The following HEATR5A variants were observed in gnomAD, a reference collection of about 807,000 sequenced individuals.
HEATR5A encodes HEAT repeat-containing protein 5A.
In HEATR5A, 178 loss-of-function variants were observed where a neutral mutation model predicts 218.8. That is an observed-to-expected ratio of 0.81 (90% CI 0.72 to 0.92). HEATR5A has a LOEUF of 0.92. Ranked by LOEUF, HEATR5A falls within the 40% of genes least tolerant of loss-of-function variation. The pLI is 0.00. For missense variants in HEATR5A, 2,420 were observed against 2,418.9 expected, an observed-to-expected ratio of 1.00 and a Z score of -0.01; for synonymous variants, 864 against 871.6, an observed-to-expected ratio of 0.99 and a Z score of 0.15.
chr14:31,393,406 G>A (rs906236982), intron 6 of HEATR5A, among the ~76,000 whole-genome samples: 2 of 152,126 alleles, frequency 1.3e-5, no homozygotes, highest in Non-Finnish European at 2.9e-5. Context: ...GCCTACTCAG[G>A]AGGCTGAGGT....
At chr14:31,398,871 T>C in intron 3 of HEATR5A, 90 bp from the exon 4 acceptor site, 1 of 700,024 alleles carries the variant, frequency 1.4e-6, no homozygotes, top group Non-Finnish European at 2.4e-6. Flanking sequence ...TGTTGAAAAA[T>C]ATCCCCCATT....
At chr14:31,301,808 CTTTTTTTTTTTTTTTTT>C (rs35947008) in intron 33 of HEATR5A, among the ~76,000 whole-genome samples, 2 of 82,500 alleles carry the variant, frequency 2.4e-5, no homozygotes, top group Admixed American at 1.4e-4. Context: ...ACACAGCTTT[CTTTTTTTTTTTTTTTTT>C]TTTTTTTTTT....
chr14:31,321,655 A>G lies in HEATR5A; in HGVS notation c.3813T>C (p.Ala1271=). The change falls in exon 25 of 36, where the codon GCT becomes GCC. Residue 1271 remains alanine, a synonymous_variant. Transcript: ENST00000543095. ...SRNDFLVLHL[A]DLIRMAFMAA... The stretch of plus-strand genomic sequence containing the variant: ...CCATAAAAGCCATGCGAATTAAGTC[A>G]GCAAGATGCAGTACCAAAAAGTCAT... The G allele has an allele frequency of 6.2e-7, 1 of 1,606,468 alleles. No individual in the cohort carries two copies. Among genetic ancestry groups the G allele is most frequent in the East Asian group, 2.2e-5 (1 of 44,740 alleles).
chr14:31,357,004 T>C (rs1169076933), intron 16 of HEATR5A, among the ~76,000 whole-genome samples: 2 of 152,212 alleles, frequency 1.3e-5, no homozygotes, highest in African/African-American at 4.8e-5. Flanking sequence ...AAAGTAATTA[T>C]ATGCTCTATA....
rs1181646846 is a variant in HEATR5A, at chr14:31,345,114, T to TA, written c.3030dup (p.Ile1011TyrfsTer11). On this transcript the variant is annotated frameshift_variant, in exon 20 of 36. Coordinates refer to ENST00000543095, the MANE Select transcript of HEATR5A (RefSeq NM_015473.4). LOFTEE classifies it high-confidence loss of function. ...TGTAGCTCTGGACCTAACGTGGTAATAAGGGCATTCAAACAGCGACCAAGG... is the reference window on the plus strand; with the variant it reads ...TGTAGCTCTGGACCTAACGTGGTAATAAAGGGCATTCAAACAGCGACCAAGG... The TA allele has an allele frequency of 3.1e-6, 5 of 1,613,672 alleles. No homozygotes were observed. Among genetic ancestry groups the TA allele is most frequent in the Non-Finnish European group, 4.2e-6 (5 of 1,179,808 alleles).
intron 26 of HEATR5A, among the ~76,000 whole-genome samples, chr14:31,316,837 A>G (rs1251986173): frequency 6.6e-6 from 1 of 151,902 alleles, no homozygotes; most frequent in Non-Finnish European, 1.5e-5. Context: ...ACAGGCACAT[A>G]CCACCACATC....
At chr14:31,367,493 C>T (rs556513077) in intron 13 of HEATR5A, among the ~76,000 whole-genome samples, 4 of 149,148 alleles carry the variant, frequency 2.7e-5, no homozygotes, top group East Asian at 2.0e-4. Context: ...TCTGTCTCCT[C>T]GTTTCAGACT....
At chr14:31,353,328 C>T (rs1901299328) in intron 16 of HEATR5A, among the ~76,000 whole-genome samples, 1 of 152,152 alleles carries the variant, frequency 6.6e-6, no homozygotes, top group South Asian at 2.1e-4. Context: ...AATAGTATTA[C>T]TGAATAGCTA....
At chr14:31,329,925 C>T (rs1394228648) in intron 22 of HEATR5A, among the ~76,000 whole-genome samples, 1 of 152,174 alleles carries the variant, frequency 6.6e-6, no homozygotes, top group Non-Finnish European at 1.5e-5. Flanking sequence ...GTTGCCCAAG[C>T]TGGTCTTGAA....
At chr14:31,336,211 T>TACACAC (rs776727980) in intron 22 of HEATR5A, among the ~76,000 whole-genome samples, 23 of 10,712 alleles carry the variant, frequency 2.1e-3, no homozygotes, top group African/African-American at 6.2e-3. Context: ...TATATATACA[T>TACACAC]ACATACATAT....
chr14:31,364,389 G>C, intron 13 of HEATR5A, 91 bp from the exon 14 acceptor site: 1 of 615,648 alleles, frequency 1.6e-6, no homozygotes, highest in Non-Finnish European at 2.8e-6. Context: ...ATATAAATTA[G>C]CTATGTATTT....
At chr14:31,351,779 A>AT (rs753608304) in intron 16 of HEATR5A, among the ~76,000 whole-genome samples, 7,038 of 143,166 alleles carry the variant, frequency 0.049, 214 homozygotes, top group Middle Eastern at 0.092. Flanking sequence ...CACCCTGCTA[A>AT]TTTTTTTTTT....
At chr14:31,378,157 T>C (rs532047253) in intron 11 of HEATR5A, among the ~76,000 whole-genome samples, 1 of 152,306 alleles carries the variant, frequency 6.6e-6, no homozygotes, top group South Asian at 2.1e-4. Context: ...TATGCTTTGG[T>C]CTAACAAACA....
At chr14:31,349,188 G>C (rs1361905228) in intron 18 of HEATR5A, among the ~76,000 whole-genome samples, 3 of 152,020 alleles carry the variant, frequency 2.0e-5, no homozygotes, top group Non-Finnish European at 4.4e-5. Context: ...AGGAGTTCGA[G>C]ACCAGCCTGG....
At chr14:31,332,616 TA>T (rs1225968654) in intron 22 of HEATR5A, among the ~76,000 whole-genome samples, 3 of 152,136 alleles carry the variant, frequency 2.0e-5, no homozygotes, top group South Asian at 2.1e-4. Context: ...GAAGGAAATT[TA>T]AAAGGCTACT....
intron 14 of HEATR5A, among the ~76,000 whole-genome samples, chr14:31,362,068 G>T (rs184216895): frequency 6.6e-6 from 1 of 151,986 alleles, no homozygotes; most frequent in African/African-American, 2.4e-5. Context: ...AGGTTCAAAC[G>T]ATTCTCCTGC....
rs878873082 is a variant in HEATR5A at position 31,318,349 on chromosome 14, C to T, written c.3970-57G>A. ...CAAGAAGTAAGACAGCACAAGTTCT[C>T]CCTCTTTTTAATGTTATTTTAAAAT... On this transcript the variant is annotated intron_variant, in intron 25 of 35. Coordinates refer to ENST00000543095, the MANE Select transcript of HEATR5A (RefSeq NM_015473.4). 4.6e-6 allele frequency: 6 copies of T among 1,313,984 alleles called. No individual in the cohort carries two copies. In the South Asian group the frequency reaches 7.2e-5, roughly 16 times the overall value. The allele number at this position is 1,313,984 out of a possible 1,614,324, so 81.4% of individuals were successfully genotyped here.
chr14:31,395,407 A>C, intron 4 of HEATR5A, 59 bp from the exon 5 acceptor site: 1 of 893,086 alleles, frequency 1.1e-6, no homozygotes, highest in Non-Finnish European at 1.7e-6. Context: ...GAACAGGATT[A>C]AACATTGATA....
chr14:31,312,427 T>C (rs534773576), intron 28 of HEATR5A, among the ~76,000 whole-genome samples: 1 of 151,670 alleles, frequency 6.6e-6, no homozygotes, highest in Non-Finnish European at 1.5e-5. Flanking sequence ...TTTTTTTTTT[T>C]TTGAGACAGA....
Sources: gnomAD v4.1 joint callset for allele counts (sites outside exome capture counted in the v4.1 genomes callset) on GRCh38, gnomAD v4.1.1 for gene constraint, MANE v1.5 for transcripts, NCBI Gene and HGNC (gene_info 2026-07-23, HGNC 2026-07-21) for gene names.